Variants in CRPPA observed in about 807,000 individuals in gnomAD.
The protein encoded by CRPPA is CDP-L-ribitol pyrophosphorylase A.
In CRPPA, 43 loss-of-function variants were observed where a neutral mutation model predicts 52.0. The observed-to-expected ratio is 0.83, with a 90% CI of 0.65 to 1.07. The LOEUF (loss-of-function observed/expected upper bound fraction) is 1.07. Among genes scored for constraint, CRPPA ranks in the 50% least tolerant of loss-of-function variants. CRPPA has a pLI of 0.00. For synonymous variants in CRPPA, 250 were observed against 203.5 expected (o/e 1.23, Z -1.94); for missense variants, 629 against 551.7 (o/e 1.14, Z -1.40).
rs147816152 is a variant in CRPPA, at chr7:16,292,039, G to A, written c.835+9382C>T. On this transcript the variant is annotated intron_variant, in intron 5 of 9. Transcript: ENST00000407010. Reference sequence around the variant, plus strand: ...ACTTGTTACATGCCTCCCTAATCACGCAACATAATTCTCATTGACAGCTGC... The same window carrying A: ...ACTTGTTACATGCCTCCCTAATCACACAACATAATTCTCATTGACAGCTGC... 3.6e-3 allele frequency among the ~76,000 whole-genome samples: 540 copies of A among 151,906 alleles called. 5 individuals are homozygous for A. The highest frequency in any genetic ancestry group is 0.012 in the African/African-American group (513 of 41,484).
chr7:16,356,316 T>C (rs1455437427), intron 3 of CRPPA, among the ~76,000 whole-genome samples: 2 of 152,168 alleles, frequency 1.3e-5, no homozygotes, highest in African/African-American at 2.4e-5. Context: ...CTCAGAAATA[T>C]AGCACATCAA....
At chr7:16,232,354 T>C (rs1041080005) in intron 8 of CRPPA, among the ~76,000 whole-genome samples, 5 of 152,192 alleles carry the variant, frequency 3.3e-5, no homozygotes, top group Admixed American at 6.5e-5. Flanking sequence ...GCCTTTATCA[T>C]GGGAATGGAT....
intron 9 of CRPPA, among the ~76,000 whole-genome samples, chr7:16,208,692 A>T: frequency 6.6e-6 from 1 of 152,174 alleles, no homozygotes; most frequent in East Asian, 1.9e-4. Flanking sequence ...AAAATTTGGT[A>T]GAACAAGGTA....
At position 16,421,308 on chromosome 7, in the gene CRPPA, C is replaced by A. The variant is rs1410595620; in HGVS notation, c.15G>T (p.Pro5=). 3.2e-6 allele frequency: 4 copies of A among 1,261,040 alleles called. No individual in the cohort carries two copies. Among genetic ancestry groups the A allele is most frequent in the Non-Finnish European group, 3.0e-6 (3 of 998,844 alleles). 78.1% of individuals were successfully genotyped at this position (1,261,040 alleles called of 1,614,324 possible). ...GCTCCGCCGGCCTGGCGCTGCCCGGCGGCCCGGCCTCCATGGCTGCGGGCG... is the reference window on the plus strand; with the variant it reads ...GCTCCGCCGGCCTGGCGCTGCCCGGAGGCCCGGCCTCCATGGCTGCGGGCG... The part of the protein sequence containing the change: MEAG[P]PGSARPAEPG... The change falls in exon 1 of 10, where the codon CCG becomes CCT. Residue 5 remains proline, a synonymous_variant. Transcript: ENST00000407010.
intron 5 of CRPPA, among the ~76,000 whole-genome samples, chr7:16,289,256 T>C (rs1035878858): frequency 6.6e-6 from 1 of 152,140 alleles, no homozygotes; most frequent in African/African-American, 2.4e-5. Flanking sequence ...ATAGATTCAC[T>C]GTCGAGCTCT....
chr7:16,254,061 T>A (rs1028277351), intron 8 of CRPPA, among the ~76,000 whole-genome samples: 1 of 152,254 alleles, frequency 6.6e-6, no homozygotes, highest in Admixed American at 6.5e-5. Context: ...GCAGTTAGAA[T>A]GGCGATCATT....
chr7:16,202,033 A>T (rs1175309133), intron 9 of CRPPA, among the ~76,000 whole-genome samples: 1 of 152,220 alleles, frequency 6.6e-6, no homozygotes, highest in Non-Finnish European at 1.5e-5. Flanking sequence ...CCAAGACATT[A>T]TAATTTGCTA....
chr7:16,377,398 C>T (rs6958802), intron 2 of CRPPA, among the ~76,000 whole-genome samples: 46,743 of 151,970 alleles, frequency 0.31, 7,379 homozygotes, highest in South Asian at 0.45. Context: ...CACAAACATG[C>T]ATGCTGCTTT....
chr7:16,404,470 C>A (rs917735263), intron 2 of CRPPA, among the ~76,000 whole-genome samples: 1 of 152,008 alleles, frequency 6.6e-6, no homozygotes, highest in Non-Finnish European at 1.5e-5. Flanking sequence ...ACTTCTTTTG[C>A]CTTTTACAAC....
intron 3 of CRPPA, among the ~76,000 whole-genome samples, chr7:16,366,551 C>T (rs1334703683): frequency 1.3e-5 from 2 of 152,060 alleles, no homozygotes; most frequent in Non-Finnish European, 2.9e-5. Context: ...TTCTAAACTG[C>T]CATACATATG....
intron 6 of CRPPA, chr7:16,269,507 A>G (rs1784040215): frequency 6.6e-6 from 1 of 152,194 alleles, no homozygotes; most frequent in African/African-American, 2.4e-5. Flanking sequence ...ATCTTCAATG[A>G]CGGATCAAGC....
At chr7:16,258,865 C>A in intron 7 of CRPPA, 55 bp downstream of exon 7, 8 of 1,064,300 alleles carry the variant, frequency 7.5e-6, no homozygotes, top group South Asian at 1.5e-5. Flanking sequence ...CAAATTAGTT[C>A]TCTTCCACAT....
chr7:16,252,475 C>A (rs566553538), intron 8 of CRPPA, among the ~76,000 whole-genome samples: 1 of 152,226 alleles, frequency 6.6e-6, no homozygotes, highest in Non-Finnish European at 1.5e-5. Flanking sequence ...TGGAAGCATT[C>A]CCTTTGAAAA....
chr7:16,157,009 G>GT (rs938633525), intron 9 of CRPPA, among the ~76,000 whole-genome samples: 1 of 151,080 alleles, frequency 6.6e-6, no homozygotes, highest in Non-Finnish European at 1.5e-5. Context: ...TGTTATTGTT[G>GT]TTTTTTGTTT....
intron 6 of CRPPA, chr7:16,269,668 GT>G (rs545259563): frequency 6.6e-5 from 10 of 152,140 alleles, no homozygotes; most frequent in Non-Finnish European, 1.3e-4. Context: ...ATGTACTGTG[GT>G]TATAAGCTCA....
intron 9 of CRPPA, among the ~76,000 whole-genome samples, chr7:16,171,710 G>A (rs577179003): frequency 3.9e-5 from 6 of 152,234 alleles, no homozygotes; most frequent in African/African-American, 1.2e-4. Flanking sequence ...GGAGAACTGC[G>A]TGAACCCAGG....
chr7:16,421,134 G>A lies in CRPPA; in HGVS notation c.189C>T (p.Pro63=), dbSNP rs1788325301. Residue 63 remains proline (P), a synonymous_variant, in exon 1 of 10, where the codon CCC becomes CCT. Coordinates refer to ENST00000407010, the MANE Select transcript of CRPPA (RefSeq NM_001101426.4). The part of the protein sequence containing the change: ...AGGCGERMGV[P]TPKQFCPILE... ...GGATGGGGCAGAATTGCTTCGGGGT[G>A]GGGACCCCCATCCTCTCCCCGCACC... 5.3e-6 allele frequency: 7 copies of A among 1,328,550 alleles called. No homozygotes were observed. Among genetic ancestry groups the A allele is most frequent in the Middle Eastern group, 2.0e-4 (1 of 5,092 alleles). 82.3% of individuals were successfully genotyped at this position (1,328,550 alleles called of 1,614,324 possible).
At chr7:16,359,128 TTG>T (rs1449532645) in intron 3 of CRPPA, among the ~76,000 whole-genome samples, 7 of 152,146 alleles carry the variant, frequency 4.6e-5, no homozygotes, top group Admixed American at 2.6e-4. Context: ...TGTTTTTGGT[TTG>T]TGTTTTTTTG....
intron 8 of CRPPA, among the ~76,000 whole-genome samples, chr7:16,244,178 G>C (rs542530849): frequency 6.6e-6 from 1 of 151,510 alleles, no homozygotes; most frequent in African/African-American, 2.4e-5. Flanking sequence ...GTTCCCTTCT[G>C]TAAGTGGATC....
Sources: gnomAD v4.1 joint callset for allele counts (sites outside exome capture counted in the v4.1 genomes callset) on GRCh38, gnomAD v4.1.1 for gene constraint, MANE v1.5 for transcripts, NCBI Gene and HGNC (gene_info 2026-07-23, HGNC 2026-07-21) for gene names.